Variants in BCL9 observed in about 807,000 individuals in gnomAD.
BCL9 encodes the protein BCL9 transcription coactivator.
In BCL9, 25 loss-of-function variants were observed where a neutral mutation model predicts 88.5. The observed-to-expected ratio is 0.28, with a 90% CI of 0.21 to 0.39. The LOEUF is 0.39. BCL9 is among the 10% of genes least tolerant of loss of function. The pLI is 1.00. For synonymous variants in BCL9, 711 were observed against 673.3 expected, an observed-to-expected ratio of 1.06 and a Z score of -0.87; for missense variants, 1,817 against 1,877.8, an observed-to-expected ratio of 0.97 and a Z score of 0.60.
In BCL9 at chr1:147,619,771, A is replaced by T; in HGVS notation, c.1616A>T (p.Asn539Ile). The T allele has an allele frequency of 6.2e-7, 1 of 1,614,142 alleles. No individual in the cohort carries two copies. The highest frequency in any genetic ancestry group is 8.5e-7 in the Non-Finnish European group (1 of 1,180,012). ...ACAGAGCCATTTTCTGATGGTATCA[A>T]CATGCCACATTCTCTGCCCCCGAGG... ...GGTEPFSDGI[N>I]MPHSLPPRGM... The change falls in exon 8 of 10, where the codon AAC becomes ATC. Residue 539 changes from asparagine (N) to isoleucine (I), a missense_variant. Asn to Ile is a moderately radical substitution (Grantham distance 149). Transcript: ENST00000234739. The surrounding 1 kb of genome is among the most constrained non-coding windows in gnomAD (Gnocchi z 4.1).
chr1:147,585,374 A>G (rs1656555063), intron 1 of BCL9, among the ~76,000 whole-genome samples: 1 of 152,152 alleles, frequency 6.6e-6, no homozygotes, highest in Non-Finnish European at 1.5e-5. Context: ...GACGGACCTC[A>G]GGGGTGTGAC....
chr1:147,617,450 C>T (rs1232664564), intron 7 of BCL9, among the ~76,000 whole-genome samples: 1 of 152,078 alleles, frequency 6.6e-6, no homozygotes, highest in Non-Finnish European at 1.5e-5. Flanking sequence ...ATCAAGGTGA[C>T]CTCTACACTC....
rs1034103542 is a variant in BCL9 at position 147,624,969 on chromosome 1, A to T, written c.*10A>T. ...AAACATGATGTTTTAAGCTGCTAAG[A>T]TGGGATGTGCCGATCCTTGTCAAGA... On this transcript the variant is annotated 3_prime_UTR_variant, in exon 10 of 10. Transcript: ENST00000234739. This position sits in a 1 kb window ranked among gnomAD's most constrained non-coding sequence, Gnocchi z 4.4. 1 of 1,599,710 alleles carries T rather than the reference A, an allele frequency of 6.3e-7. No homozygotes were observed. Among genetic ancestry groups the T allele is most frequent in the Non-Finnish European group, 8.6e-7 (1 of 1,169,040 alleles).
chr1:147,557,666 C>A (rs77201911), intron 1 of BCL9, among the ~76,000 whole-genome samples: 1,898 of 152,150 alleles, frequency 0.012, 23 homozygotes, highest in East Asian at 0.056. Context: ...GAATATTTAC[C>A]CTACCATAGG....
In BCL9 at chr1:147,620,260, G is replaced by T. The variant is rs184412142; in HGVS notation, c.2105G>T (p.Gly702Val). 13 of 1,614,122 alleles carry T rather than the reference G, an allele frequency of 8.1e-6. No individual in the cohort carries two copies. In the East Asian group the frequency reaches 2.2e-4, roughly 28 times the overall value. The change falls in exon 8 of 10, where the codon GGC becomes GTC. Residue 702 changes from glycine (G) to valine (V), a missense_variant. Gly to Val is a moderately radical substitution (Grantham distance 109). Transcript: ENST00000234739. ...DFPKGIPPQM[G>V]PGRELEFGMV... ...CCAAAAGGAATTCCCCCACAGATGG[G>T]CCCTGGTCGGGAACTTGAGTTTGGG...
chr1:147,609,003 G>C (rs1365128153), intron 3 of BCL9, among the ~76,000 whole-genome samples: 1 of 152,154 alleles, frequency 6.6e-6, no homozygotes, highest in African/African-American at 2.4e-5. Context: ...TGCCTCCTGG[G>C]GTTGTTGTGA....
At chr1:147,587,479 TAG>T (rs1656667645) in intron 1 of BCL9, among the ~76,000 whole-genome samples, 1 of 152,228 alleles carries the variant, frequency 6.6e-6, no homozygotes, top group African/African-American at 2.4e-5. Flanking sequence ...CTCACCGTAC[TAG>T]ATTGCAAGCC....
intron 5 of BCL9, among the ~76,000 whole-genome samples, chr1:147,613,951 C>T (rs1658138721): frequency 6.6e-6 from 1 of 152,152 alleles, no homozygotes; most frequent in Non-Finnish European, 1.5e-5. Context: ...CCTTCCTCCC[C>T]TCCTCCCTCA....
chr1:147,577,848 G>GTGTGTA (rs1656179932), intron 1 of BCL9, among the ~76,000 whole-genome samples: 1 of 151,674 alleles, frequency 6.6e-6, no homozygotes, highest in South Asian at 2.1e-4. Context: ...GTGTGTGTGT[G>GTGTGTA]TGTGTGTGTG....
intron 1 of BCL9, among the ~76,000 whole-genome samples, chr1:147,579,145 C>T (rs587610688): frequency 2.0e-5 from 3 of 152,284 alleles, no homozygotes; most frequent in South Asian, 2.1e-4. Context: ...GGATTAGAGT[C>T]GTGAGCCACC....
At chr1:147,601,969 C>A (rs782467277) in intron 1 of BCL9, among the ~76,000 whole-genome samples, 1 of 152,164 alleles carries the variant, frequency 6.6e-6, no homozygotes, top group Non-Finnish European at 1.5e-5. Flanking sequence ...GGTGCAATAT[C>A]GGCTCACTGC....
At chr1:147,574,717 G>A (rs1422818782) in intron 1 of BCL9, among the ~76,000 whole-genome samples, 3 of 152,162 alleles carry the variant, frequency 2.0e-5, no homozygotes, top group Admixed American at 6.5e-5. Context: ...GTGTTTGTAC[G>A]CCTCTGCCAC....
At position 147,620,875 on chromosome 1, in the gene BCL9, C is replaced by A; in HGVS notation, c.2720C>A (p.Ser907Tyr). 1 of 1,614,058 alleles carries A rather than the reference C, an allele frequency of 6.2e-7. No individual in the cohort carries two copies. Among genetic ancestry groups the A allele is most frequent in the Non-Finnish European group, 8.5e-7 (1 of 1,179,994 alleles). ...AGPAAAASIK[S>Y]PPVLGSAAAS... ...CCAGCTGCTGCTGCTTCCATTAAGT[C>A]CCCCCCTGTTTTGGGGTCTGCTGCT... The change falls in exon 8 of 10, where the codon TCC becomes TAC. Residue 907 changes from serine (S) to tyrosine (Y), a missense_variant. Coordinates refer to ENST00000234739, the MANE Select transcript of BCL9 (RefSeq NM_004326.4).
chr1:147,611,763 C>T lies in BCL9; in HGVS notation c.-74C>T, dbSNP rs112678669. 10 of 1,460,830 alleles carry T rather than the reference C, an allele frequency of 6.8e-6. No individual in the cohort carries two copies. Among genetic ancestry groups the T allele is most frequent in the Middle Eastern group, 1.8e-4 (1 of 5,646 alleles). 90.5% of individuals were successfully genotyped at this position (1,460,830 alleles called of 1,614,324 possible). On this transcript the variant is annotated 5_prime_UTR_variant, in exon 4 of 10. Transcript: ENST00000234739. ...GGGCCAGTGCCACTGCCCCCAGCAG[C>T]TGTTTCTGCTGCAACCCGAGAGGAA...
chr1:147,573,538 C>T (rs1243818117), intron 1 of BCL9, among the ~76,000 whole-genome samples: 1 of 152,136 alleles, frequency 6.6e-6, no homozygotes, highest in Admixed American at 6.5e-5. Flanking sequence ...GGAAGCAACT[C>T]GGTGGGACAG....
At chr1:147,549,202 C>T (rs1654772826) in intron 1 of BCL9, among the ~76,000 whole-genome samples, 1 of 152,046 alleles carries the variant, frequency 6.6e-6, no homozygotes, top group African/African-American at 2.4e-5. Context: ...GTCTTGAACT[C>T]CTGACCTCAA....
intron 1 of BCL9, among the ~76,000 whole-genome samples, chr1:147,576,830 T>C (rs1215596819): frequency 1.3e-5 from 2 of 152,166 alleles, no homozygotes; most frequent in Non-Finnish European, 2.9e-5. Context: ...TTGCCTACAG[T>C]GTGCAAAATA....
chr1:147,570,850 G>A (rs1255391755), intron 1 of BCL9, among the ~76,000 whole-genome samples: 2 of 151,900 alleles, frequency 1.3e-5, no homozygotes, highest in African/African-American at 4.8e-5. Context: ...GGTCAGGCTG[G>A]TCTCGAACTC....
At chr1:147,608,793 T>C (rs587685896) in intron 3 of BCL9, among the ~76,000 whole-genome samples, 1 of 152,316 alleles carries the variant, frequency 6.6e-6, no homozygotes, top group Non-Finnish European at 1.5e-5. Context: ...CTGAGCACTT[T>C]ATATGAACTA....
Sources: allele counts gnomAD v4.1 joint callset (sites outside exome capture counted in the v4.1 genomes callset), GRCh38; gene constraint gnomAD v4.1.1; non-coding constraint Gnocchi (gnomAD v3.1); transcripts MANE v1.5; gene names NCBI Gene and HGNC (gene_info 2026-07-23, HGNC 2026-07-21).